The following SYN3 variants were observed in gnomAD, a reference collection of about 807,000 sequenced individuals.
SYN3 encodes the protein synapsin-3.
SYN3 carries 35 observed loss-of-function variants against 65.8 expected under a neutral mutation model. The observed-to-expected ratio is 0.53, with a 90% CI of 0.41 to 0.70. The LOEUF (loss-of-function observed/expected upper bound fraction) is 0.70, where lower values mean the gene tolerates loss of function less well. Among genes scored for constraint, SYN3 ranks in the 30% least tolerant of loss-of-function variants. SYN3 has a pLI of 0.00. For synonymous variants in SYN3, 270 were observed against 292.9 expected, an observed-to-expected ratio of 0.92 and a Z score of 0.80; for missense variants, 680 against 749.0, an observed-to-expected ratio of 0.91 and a Z score of 1.08.
At chr22:33,052,959 A>G (rs1421323967) in intron 1 of SYN3, among the ~76,000 whole-genome samples, 3 of 152,242 alleles carry the variant, frequency 2.0e-5, no homozygotes, top group African/African-American at 7.2e-5. Context: ...TGTATTATAA[A>G]TAGTGTACAG....
chr22:32,888,997 C>A (rs1369316651), intron 4 of SYN3, among the ~76,000 whole-genome samples: 4 of 152,180 alleles, frequency 2.6e-5, no homozygotes, highest in African/African-American at 7.2e-5. Context: ...CATCACTGGG[C>A]CTCAAAGTAG....
chr22:33,032,165 G>A (rs1199811835), intron 1 of SYN3, among the ~76,000 whole-genome samples: 5 of 151,540 alleles, frequency 3.3e-5, no homozygotes, highest in Non-Finnish European at 7.4e-5. Flanking sequence ...ACCTGAGTCT[G>A]TGCCACTGTA....
At chr22:33,010,971 C>T (rs2053336407) in intron 1 of SYN3, among the ~76,000 whole-genome samples, 1 of 152,114 alleles carries the variant, frequency 6.6e-6, no homozygotes, top group South Asian at 2.1e-4. Flanking sequence ...AGTATTGTTG[C>T]TACTAGTTGT....
In SYN3 at chr22:33,054,928, G is replaced by C. The variant is rs117744423; in HGVS notation, c.-163+3364C>G. ...TTCCCTGCATTTAAAGTATCAGCAA[G>C]TCCTGTCCATTTTGCTTCCTAAATA... is the stretch of plus-strand genomic sequence containing the variant. On this transcript the variant is annotated intron_variant, in intron 1 of 13. Transcript: ENST00000358763. 4.5e-3 allele frequency among the ~76,000 whole-genome samples: 690 copies of C among 152,230 alleles called. 3 individuals carry two copies. Among genetic ancestry groups the C allele is most frequent in the Non-Finnish European group, 7.7e-3 (523 of 68,014 alleles).
intron 6 of SYN3, among the ~76,000 whole-genome samples, chr22:32,851,437 G>T (rs942475264): frequency 5.9e-5 from 9 of 152,086 alleles, no homozygotes; most frequent in Non-Finnish European, 1.3e-4. Flanking sequence ...ACGGGTGGTT[G>T]TTTAGAGACC....
chr22:32,673,729 G>A (rs945812561), intron 6 of SYN3, among the ~76,000 whole-genome samples: 10 of 152,210 alleles, frequency 6.6e-5, no homozygotes, highest in Non-Finnish European at 2.9e-5. Context: ...GGATTTGTAC[G>A]TGCAAAGGCT....
chr22:32,596,260 C>T, intron 7 of SYN3, among the ~76,000 whole-genome samples: 1 of 152,134 alleles, frequency 6.6e-6, no homozygotes, highest in East Asian at 1.9e-4. Context: ...TTTAAAATTA[C>T]CCAGTTCCAG....
intron 6 of SYN3, among the ~76,000 whole-genome samples, chr22:32,633,547 C>G (rs992264511): frequency 6.6e-6 from 1 of 152,172 alleles, no homozygotes; most frequent in Non-Finnish European, 1.5e-5. Flanking sequence ...GTTGGGAAGG[C>G]CTTTGGGCCT....
chr22:32,803,376 G>A (rs62232903), intron 6 of SYN3, among the ~76,000 whole-genome samples: 9,848 of 152,084 alleles, frequency 0.065, 342 homozygotes, highest in Middle Eastern at 0.11. Context: ...TGAGGGCCGG[G>A]AGGGGCACTG....
intron 7 of SYN3, among the ~76,000 whole-genome samples, chr22:32,542,462 ATG>A (rs1338239788): frequency 6.6e-6 from 1 of 150,738 alleles, no homozygotes; most frequent in Admixed American, 6.6e-5. Context: ...TGTGTGATAT[ATG>A]TGTGTGTGGT....
chr22:32,921,820 GTTA>G (rs1569328428), intron 4 of SYN3, among the ~76,000 whole-genome samples: 2 of 152,090 alleles, frequency 1.3e-5, no homozygotes, highest in African/African-American at 4.8e-5. Flanking sequence ...AGGAGGTATT[GTTA>G]TTATTATTAT....
At chr22:32,699,983 G>A (rs2060789809) in intron 6 of SYN3, among the ~76,000 whole-genome samples, 1 of 152,198 alleles carries the variant, frequency 6.6e-6, no homozygotes, top group South Asian at 2.1e-4. Context: ...TGGGACCAGA[G>A]AAGGGAAGTT....
At chr22:32,563,482 CA>C (rs1433365372) in intron 7 of SYN3, among the ~76,000 whole-genome samples, 1 of 152,152 alleles carries the variant, frequency 6.6e-6, no homozygotes, top group Non-Finnish European at 1.5e-5. Context: ...AGGTGTAGGA[CA>C]CTCGTGGAAG....
intron 3 of SYN3, among the ~76,000 whole-genome samples, chr22:32,955,070 T>C (rs1483486276): frequency 2.0e-5 from 3 of 152,054 alleles, no homozygotes; most frequent in Admixed American, 2.0e-4. Flanking sequence ...CTTCTTGTTC[T>C]AGAACTACTG....
chr22:33,008,164 T>C (rs1398453383), intron 1 of SYN3, among the ~76,000 whole-genome samples: 1 of 152,224 alleles, frequency 6.6e-6, no homozygotes, highest in African/African-American at 2.4e-5. Flanking sequence ...CTCAAACTCC[T>C]GGCCTCAAGT....
intron 7 of SYN3, among the ~76,000 whole-genome samples, chr22:32,594,055 G>A (rs2059163344): frequency 6.6e-6 from 1 of 152,106 alleles, no homozygotes; most frequent in Non-Finnish European, 1.5e-5. Context: ...AGCAACAGAC[G>A]ATCATTGGAG....
At chr22:32,964,560 G>C (rs1276461671) in intron 3 of SYN3, among the ~76,000 whole-genome samples, 2 of 152,016 alleles carry the variant, frequency 1.3e-5, no homozygotes, top group Non-Finnish European at 2.9e-5. Context: ...GTGAGTCAGG[G>C]GAAAACAGGT....
At chr22:32,686,629 C>G (rs2060592957) in intron 6 of SYN3, among the ~76,000 whole-genome samples, 1 of 123,914 alleles carries the variant, frequency 8.1e-6, no homozygotes, top group Non-Finnish European at 1.6e-5. Flanking sequence ...CAGTCTCGCT[C>G]TGCTGCATCT....
chr22:32,554,773 G>C (rs557044469), intron 7 of SYN3, among the ~76,000 whole-genome samples: 1 of 152,096 alleles, frequency 6.6e-6, no homozygotes, highest in Non-Finnish European at 1.5e-5. Flanking sequence ...CTCCATCTGC[G>C]AGACACACCC....
Sources: allele counts gnomAD v4.1 joint callset (sites outside exome capture counted in the v4.1 genomes callset), GRCh38; gene constraint gnomAD v4.1.1; transcripts MANE v1.5; gene names NCBI Gene and HGNC (gene_info 2026-07-23, HGNC 2026-07-21).